DNAJC1: variants seen among roughly 807,000 people sequenced by gnomAD.
The protein encoded by DNAJC1 is dnaJ homolog subfamily C member 1.
DNAJC1 carries 58 observed loss-of-function variants against 76.6 expected under a neutral mutation model. That is an observed-to-expected ratio of 0.76 (90% CI 0.61 to 0.94). The LOEUF is 0.94. DNAJC1 is among the 40% of genes least tolerant of loss of function. The pLI, the probability that DNAJC1 is intolerant of heterozygous loss-of-function variation, is 0.00. For missense variants in DNAJC1, 689 were observed against 677.3 expected (o/e 1.02, Z -0.19); for synonymous variants, 258 against 267.9 (o/e 0.96, Z 0.36).
chr10:21,790,977 A>T (rs1039961901), intron 9 of DNAJC1, among the ~76,000 whole-genome samples: 2 of 152,216 alleles, frequency 1.3e-5, no homozygotes, highest in Non-Finnish European at 2.9e-5. Context: ...TATGCTACGT[A>T]TAAGAAATTC....
At chr10:21,790,830 A>C (rs780904692) in intron 9 of DNAJC1, among the ~76,000 whole-genome samples, 5 of 152,220 alleles carry the variant, frequency 3.3e-5, no homozygotes, top group Non-Finnish European at 5.9e-5. Flanking sequence ...TAAAACAACA[A>C]GAAAACAATG....
chr10:21,813,302 T>C lies in DNAJC1; in HGVS notation c.979-7203A>G, dbSNP rs1835019886. Among the ~76,000 whole-genome samples, 4 of 147,790 alleles carry C rather than the reference T, an allele frequency of 2.7e-5. No homozygotes were observed. In the South Asian group the frequency reaches 8.6e-4, roughly 32 times the overall value. On this transcript the variant is annotated intron_variant, in intron 8 of 11. Transcript: ENST00000376980. Reference sequence around the variant, plus strand: ...TTACTTGTCTCTAGGGGAAGCCAACTGCCAAACAGTGAGGCCGCTCAAGCG... The same window carrying C: ...TTACTTGTCTCTAGGGGAAGCCAACCGCCAAACAGTGAGGCCGCTCAAGCG...
chr10:21,820,663 TC>T (rs1475650168), intron 8 of DNAJC1, among the ~76,000 whole-genome samples: 2 of 151,968 alleles, frequency 1.3e-5, no homozygotes, highest in Non-Finnish European at 1.5e-5. Flanking sequence ...CCCCAGGAGT[TC>T]CCCCCAGACC....
At chr10:21,803,433 C>T (rs539139460) in intron 9 of DNAJC1, among the ~76,000 whole-genome samples, 51 of 152,200 alleles carry the variant, frequency 3.4e-4, no homozygotes, top group African/African-American at 9.9e-4. Context: ...AAAGGAGGCA[C>T]AAGTGGTCTT....
intron 1 of DNAJC1, among the ~76,000 whole-genome samples, chr10:21,951,257 T>C (rs1837590359): frequency 6.6e-6 from 1 of 151,406 alleles, no homozygotes; most frequent in Admixed American, 6.6e-5. Flanking sequence ...GAGGCAGAGG[T>C]TGCAGTGAGC....
Position 21,976,755 on chromosome 10 carries a change from C to T in DNAJC1, c.222+26458G>A, listed in dbSNP as rs181942991. Among the ~76,000 whole-genome samples the T allele has an allele frequency of 3.5e-4, 54 of 152,172 alleles. 1 individual carries two copies. In the East Asian group the frequency reaches 6.7e-3, roughly 19 times the overall value. Reference sequence around the variant, plus strand: ...TTCCCACTAAGCAACAAAACGCAAACGAGCTAGAGAATTCTGCCTTCCTTA... The same window carrying T: ...TTCCCACTAAGCAACAAAACGCAAATGAGCTAGAGAATTCTGCCTTCCTTA... On this transcript the variant is annotated intron_variant, in intron 1 of 11. Coordinates refer to ENST00000376980, the MANE Select transcript of DNAJC1 (RefSeq NM_022365.4).
chr10:21,876,149 C>T (rs367969761), intron 8 of DNAJC1, among the ~76,000 whole-genome samples: 1 of 149,946 alleles, frequency 6.7e-6, no homozygotes, highest in Non-Finnish European at 1.5e-5. Flanking sequence ...CTTGCTCTGT[C>T]GCCTATGCTG....
intron 7 of DNAJC1, among the ~76,000 whole-genome samples, chr10:21,901,223 A>T (rs1253673490): frequency 6.6e-6 from 1 of 152,192 alleles, no homozygotes; most frequent in Non-Finnish European, 1.5e-5. Context: ...TTTGTTTTAA[A>T]ATCATAGAAG....
At chr10:21,905,849 G>A (rs1401723421) in intron 6 of DNAJC1, among the ~76,000 whole-genome samples, 2 of 152,090 alleles carry the variant, frequency 1.3e-5, no homozygotes, top group East Asian at 1.9e-4. Context: ...AATAACTCTA[G>A]GGTAACATTC....
chr10:21,945,581 G>A (rs1837490995), intron 1 of DNAJC1, among the ~76,000 whole-genome samples: 2 of 152,300 alleles, frequency 1.3e-5, no homozygotes, highest in South Asian at 4.1e-4. Flanking sequence ...GGAAAAAGGA[G>A]AGGATACATG....
chr10:21,859,813 T>C (rs1835894100), intron 8 of DNAJC1, among the ~76,000 whole-genome samples: 1 of 152,094 alleles, frequency 6.6e-6, no homozygotes, highest in Admixed American at 6.6e-5. Context: ...AGACGGAGTC[T>C]GGCTTTGTCA....
chr10:21,858,865 G>A (rs1175213665), intron 8 of DNAJC1, among the ~76,000 whole-genome samples: 1 of 152,072 alleles, frequency 6.6e-6, no homozygotes, highest in Non-Finnish European at 1.5e-5. Flanking sequence ...CTTACCTGAT[G>A]AAATCAGAAC....
intron 1 of DNAJC1, among the ~76,000 whole-genome samples, chr10:21,937,588 T>C (rs770846909): frequency 7.9e-5 from 12 of 152,014 alleles, no homozygotes; most frequent in Non-Finnish European, 1.6e-4. Context: ...AACAGAAAAC[T>C]TGAACAACAG....
rs191186634 is a variant in DNAJC1 at position 21,849,409 on chromosome 10, G to T, written c.978+32873C>A. On this transcript the variant is annotated intron_variant, in intron 8 of 11. Transcript: ENST00000376980. ...TAGAAAAAGGAGATCAGAGACCAAAGCTAGCAAAAGGAAGGAAATAATAAA... is the reference window on the plus strand; with the variant it reads ...TAGAAAAAGGAGATCAGAGACCAAATCTAGCAAAAGGAAGGAAATAATAAA... Among the ~76,000 whole-genome samples the T allele has an allele frequency of 2.9e-3, 422 of 147,566 alleles. 4 individuals are homozygous for T. The highest frequency in any genetic ancestry group is 1.0e-2 in the African/African-American group (399 of 40,058).
At chr10:21,962,430 G>T (rs1163437927) in intron 1 of DNAJC1, among the ~76,000 whole-genome samples, 3 of 139,944 alleles carry the variant, frequency 2.1e-5, no homozygotes, top group African/African-American at 8.1e-5. Flanking sequence ...TATCCATCTA[G>T]GATGCAATTA....
At chr10:21,928,610 G>C (rs1837167511) in intron 2 of DNAJC1, 58 bp from the exon 3 acceptor site, 1 of 1,383,758 alleles carries the variant, frequency 7.2e-7, no homozygotes, top group East Asian at 2.3e-5. Flanking sequence ...AAATCACATA[G>C]GAGGGTGAAG....
intron 9 of DNAJC1, among the ~76,000 whole-genome samples, chr10:21,804,739 T>C (rs1427434333): frequency 6.6e-6 from 1 of 151,946 alleles, no homozygotes. Flanking sequence ...GCAAAAATAT[T>C]GCTAAACGTC....
At chr10:21,931,081 C>T (rs1033764200) in intron 1 of DNAJC1, among the ~76,000 whole-genome samples, 2 of 152,176 alleles carry the variant, frequency 1.3e-5, no homozygotes, top group South Asian at 2.1e-4. Flanking sequence ...ACCATATGTA[C>T]CCCAAATGTA....
At chr10:21,887,443 A>G (rs1836385395) in intron 7 of DNAJC1, among the ~76,000 whole-genome samples, 1 of 150,976 alleles carries the variant, frequency 6.6e-6, no homozygotes, top group African/African-American at 2.4e-5. Flanking sequence ...AATCCTAAGC[A>G]AAAAAAACAA....
Sources: allele counts gnomAD v4.1 joint callset (sites outside exome capture counted in the v4.1 genomes callset), GRCh38; gene constraint gnomAD v4.1.1; transcripts MANE v1.5; gene names NCBI Gene and HGNC (gene_info 2026-07-23, HGNC 2026-07-21).